Variants in SDCBP2 observed in about 807,000 individuals in gnomAD.
The protein encoded by SDCBP2 is syndecan binding protein 2, also known as syntenin-2.
A neutral mutation model predicts 30.7 loss-of-function variants in SDCBP2; 28 were observed. The ratio of observed to expected loss-of-function variants is 0.91; its 90% CI spans 0.68 to 1.25. The LOEUF (loss-of-function observed/expected upper bound fraction) is 1.25, where lower values mean the gene tolerates loss of function less well. SDCBP2 is among the 50% of genes most tolerant of loss of function. The pLI is 0.00. For missense variants in SDCBP2, 399 were observed against 379.0 expected, an observed-to-expected ratio of 1.05 and a Z score of -0.44; for synonymous variants, 166 against 157.3, an observed-to-expected ratio of 1.06 and a Z score of -0.41.
intron 1 of SDCBP2, chr20:1,323,654 G>A (rs556248825): frequency 7.9e-5 from 12 of 152,214 alleles, no homozygotes; most frequent in Admixed American, 2.6e-4. Context: ...CCATCCCTCG[G>A]ATACCAACAT....
chr20:1,310,304 AC>A lies in SDCBP2; in HGVS notation c.*136del, dbSNP rs2088640728. On this transcript the variant is annotated 3_prime_UTR_variant, in exon 9 of 9. Transcript: ENST00000360779. Reference sequence around the variant, plus strand: ...TGTGTGTATAAGCCATCCCATGGTCACCCTCCTGGACACGCCCCCCTCATGG... The same window carrying A: ...TGTGTGTATAAGCCATCCCATGGTCACCTCCTGGACACGCCCCCCTCATGG... 1.2e-6 allele frequency: 1 copy of A among 820,472 alleles called. No individual in the cohort carries two copies. The highest frequency in any genetic ancestry group is 2.3e-5 in the Admixed American group (1 of 43,528). 50.8% of individuals were successfully genotyped at this position (820,472 alleles called of 1,614,324 possible). A position where few individuals can be genotyped will look rare whatever the true frequency, so the allele number is the denominator to read the frequency against.
Position 1,313,478 on chromosome 20 carries a change from C to A in SDCBP2, c.246G>T (p.Gly82=). 6.3e-7 allele frequency: 1 copy of A among 1,593,928 alleles called. No individual in the cohort carries two copies. Among genetic ancestry groups the A allele is most frequent in the Non-Finnish European group, 8.5e-7 (1 of 1,173,562 alleles). ...TTACCGGTGCCACCATCTGGCCGGGCCCGGGGCCCGAGACCGCTGTCTGCA... is the reference window on the plus strand; with the variant it reads ...TTACCGGTGCCACCATCTGGCCGGGACCGGGGCCCGAGACCGCTGTCTGCA... ...EGDSTAVSGP[G]PGQMVAPVTG... The change falls in exon 5 of 9, where the codon GGG becomes GGT. Residue 82 remains glycine (G), a synonymous_variant. Transcript: ENST00000360779. This position sits in a 1 kb window ranked among gnomAD's most constrained non-coding sequence, Gnocchi z 5.2.
intron 8 of SDCBP2, 102 bp from the exon 9 acceptor site, chr20:1,310,597 C>T (rs964155673): frequency 6.7e-6 from 8 of 1,191,800 alleles, no homozygotes; most frequent in Non-Finnish European, 9.6e-6. Flanking sequence ...TGGGCCTTCA[C>T]TCCCAGTTCT....
chr20:1,322,834 G>A (rs1600284966), intron 1 of SDCBP2: 3 of 152,226 alleles, frequency 2.0e-5, no homozygotes, highest in African/African-American at 7.2e-5. Flanking sequence ...GTCCCCCAAA[G>A]TGTTGGGATT....
At chr20:1,319,389 G>A in intron 3 of SDCBP2, 1 of 601,750 alleles carries the variant, frequency 1.7e-6, no homozygotes, top group Admixed American at 2.6e-5. Flanking sequence ...ATGGGCACAG[G>A]CTCTGGGAGG....
chr20:1,312,287 G>A (rs376934430), intron 7 of SDCBP2, 50 bp downstream of exon 7: 4 of 1,583,274 alleles, frequency 2.5e-6, no homozygotes, highest in African/African-American at 2.7e-5. Flanking sequence ...CCAAAGACCT[G>A]AGCCCTCCCA....
intron 4 of SDCBP2, among the ~76,000 whole-genome samples, chr20:1,315,566 T>C (rs1246256270): frequency 6.6e-6 from 1 of 151,958 alleles, no homozygotes; most frequent in Admixed American, 6.6e-5. Flanking sequence ...AAAAAGCAAA[T>C]GGTGCAACCA....
At chr20:1,318,262 A>G in intron 4 of SDCBP2, 56 bp downstream of exon 4, 1 of 1,208,452 alleles carries the variant, frequency 8.3e-7, no homozygotes, top group African/African-American at 1.5e-5. Flanking sequence ...CAAGACCAGG[A>G]AAAAGGGAGG....
rs1441645066 is a variant in SDCBP2 at position 1,320,599 on chromosome 20, G to A, written c.-19-164C>T. The A allele has an allele frequency of 1.2e-5, 7 of 564,472 alleles. No homozygotes were observed. Among genetic ancestry groups the A allele is most frequent in the Non-Finnish European group, 2.2e-5 (7 of 314,572 alleles). 35.0% of individuals were successfully genotyped at this position (564,472 alleles called of 1,614,324 possible). On this transcript the variant is annotated intron_variant, in intron 1 of 8. Transcript: ENST00000360779. The surrounding 1 kb of genome is among the most constrained non-coding windows in gnomAD (Gnocchi z 4.7). ...CGAACTCCACCCCTAATCCCCTGTC[G>A]ATATTTGAACTCTACTGTATTCCAC...
chr20:1,313,114 C>G lies in SDCBP2; in HGVS notation c.384+226G>C. On this transcript the variant is annotated intron_variant, in intron 5 of 8. Coordinates refer to ENST00000360779, the MANE Select transcript of SDCBP2 (RefSeq NM_080489.5). The surrounding 1 kb of genome is among the most constrained non-coding windows in gnomAD (Gnocchi z 5.2). ...GGCAGGTGGGGAAGGGAGGCTCCTC[C>G]GAGCGACGGAAGCCCACGGAGAGGC... is the stretch of plus-strand genomic sequence containing the variant. 1 of 602,806 alleles carries G rather than the reference C, an allele frequency of 1.7e-6. No individual in the cohort carries two copies. Among genetic ancestry groups the G allele is most frequent in the Non-Finnish European group, 2.9e-6 (1 of 342,818 alleles). 37.3% of individuals were successfully genotyped at this position (602,806 alleles called of 1,614,324 possible). A position where few individuals can be genotyped will look rare whatever the true frequency, so the allele number is the denominator to read the frequency against.
chr20:1,313,642 A>T lies in SDCBP2; in HGVS notation c.226-144T>A. 5.8e-6 allele frequency: 8 copies of T among 1,387,302 alleles called. No individual in the cohort carries two copies. Among genetic ancestry groups the T allele is most frequent in the Non-Finnish European group, 7.5e-6 (8 of 1,073,136 alleles). 85.9% of individuals were successfully genotyped at this position (1,387,302 alleles called of 1,614,324 possible). ...CGTCCCCAGTCCACGCTTCTCCCCT[A>T]GGGGCGAGAGGAGACGTGGCTCCAC... On this transcript the variant is annotated intron_variant, in intron 4 of 8. Transcript: ENST00000360779. This position sits in a 1 kb window ranked among gnomAD's most constrained non-coding sequence, Gnocchi z 5.2.
intron 5 of SDCBP2, 103 bp from the exon 6 acceptor site, chr20:1,312,865 G>A (rs2088700223): frequency 2.3e-6 from 3 of 1,299,294 alleles, no homozygotes; most frequent in Non-Finnish European, 2.1e-6. Context: ...GAACCTACAG[G>A]GTGCCAGGGA....
chr20:1,319,784 G>A (rs1196018800), intron 2 of SDCBP2, 125 bp from the exon 3 acceptor site: 2 of 716,868 alleles, frequency 2.8e-6, no homozygotes, highest in Non-Finnish European at 4.5e-6. Flanking sequence ...TGGGGGGAGT[G>A]TGCACCAACC....
At chr20:1,310,584 A>G (rs939155793) in intron 8 of SDCBP2, 89 bp from the exon 9 acceptor site, 4 of 1,292,848 alleles carry the variant, frequency 3.1e-6, no homozygotes, top group Non-Finnish European at 4.4e-6. Context: ...AGTGCATCCC[A>G]TGTGGGCCTT....
In SDCBP2 at chr20:1,313,599, C is replaced by G; in HGVS notation, c.226-101G>C. 1 of 1,432,796 alleles carries G rather than the reference C, an allele frequency of 7.0e-7. No homozygotes were observed. The highest frequency in any genetic ancestry group is 2.6e-5 in the East Asian group (1 of 38,478). 88.8% of individuals were successfully genotyped at this position (1,432,796 alleles called of 1,614,324 possible). ...AGGGATGGGGAAAGGAGGATGGAGC[C>G]GTCCCCGGGTCCCCCCACGTCCCCA... On this transcript the variant is annotated intron_variant, in intron 4 of 8. Transcript: ENST00000360779. This position sits in a 1 kb window ranked among gnomAD's most constrained non-coding sequence, Gnocchi z 5.2.
rs755624449 is a variant in SDCBP2, at chr20:1,313,373, G to A, written c.351C>T (p.Gly117=). 1 of 1,611,534 alleles carries A rather than the reference G, an allele frequency of 6.2e-7. No homozygotes were observed. Among genetic ancestry groups the A allele is most frequent in the South Asian group, 1.1e-5 (1 of 90,744 alleles). ...REIHLCKDER[G]KTGLRLRKVD... ...CCTTCCGCAGCCTCAGCCCGGTCTT[G>A]CCGCGCTCGTCCTTGCACAGGTGGA... Residue 117 remains glycine, a synonymous_variant, in exon 5 of 9, where the codon GGC becomes GGT. Coordinates refer to ENST00000360779, the MANE Select transcript of SDCBP2 (RefSeq NM_080489.5). The surrounding 1 kb of genome is among the most constrained non-coding windows in gnomAD (Gnocchi z 5.2).
chr20:1,327,048 A>G (rs2122552639), intron 1 of SDCBP2, among the ~76,000 whole-genome samples: 1 of 152,322 alleles, frequency 6.6e-6, no homozygotes, highest in East Asian at 1.9e-4. Context: ...GGCTCCTATA[A>G]TCTGACAGTG....
chr20:1,327,845 T>G (rs573939738), intron 1 of SDCBP2, among the ~76,000 whole-genome samples: 1 of 152,378 alleles, frequency 6.6e-6, no homozygotes, highest in African/African-American at 2.4e-5. Flanking sequence ...GCTTACTTAC[T>G]CAGCACCTGC....
At position 1,313,366 on chromosome 20, in the gene SDCBP2, C is replaced by G. The variant is rs763897491; in HGVS notation, c.358G>C (p.Gly120Arg). The change falls in exon 5 of 9, where the codon GGG (glycine) becomes CGG (arginine). Residue 120 changes from glycine (G) to arginine (R), a missense_variant. Gly to Arg is a moderately radical substitution (Grantham distance 125). Coordinates refer to ENST00000360779, the MANE Select transcript of SDCBP2 (RefSeq NM_080489.5). This position sits in a 1 kb window ranked among gnomAD's most constrained non-coding sequence, Gnocchi z 5.2. ...TGGTCGACCTTCCGCAGCCTCAGCC[C>G]GGTCTTGCCGCGCTCGTCCTTGCAC... Reference protein sequence around the residue: ...HLCKDERGKTGLRLRKVDQGL... With the variant: ...HLCKDERGKTRLRLRKVDQGL... 6 of 1,611,682 alleles carry G rather than the reference C, an allele frequency of 3.7e-6. No individual in the cohort carries two copies. In the South Asian group the frequency reaches 4.4e-5, roughly 12 times the overall value.
Sources: allele counts gnomAD v4.1 joint callset (sites outside exome capture counted in the v4.1 genomes callset), GRCh38; gene constraint gnomAD v4.1.1; non-coding constraint Gnocchi (gnomAD v3.1); transcripts MANE v1.5; gene names NCBI Gene and HGNC (gene_info 2026-07-23, HGNC 2026-07-21).